C9orf57: variants seen among roughly 807,000 people sequenced by gnomAD.
C9orf57 encodes the protein chromosome 9 open reading frame 57.
A neutral mutation model predicts 12.9 loss-of-function variants in C9orf57; 12 were observed. The observed-to-expected ratio is 0.93, with a 90% CI of 0.60 to 1.51. The LOEUF (loss-of-function observed/expected upper bound fraction) is 1.51, where lower values mean the gene tolerates loss of function less well. Ranked by LOEUF, C9orf57 falls within the 40% of genes most tolerant of loss-of-function variation. The pLI is 0.00. For synonymous variants in C9orf57, 49 were observed against 57.1 expected (o/e 0.86, Z 0.64); for missense variants, 141 against 162.8 (o/e 0.87, Z 0.73).
chr9:72,060,356 A>T, intron 1 of C9orf57, 141 bp downstream of exon 1: 1 of 609,780 alleles, frequency 1.6e-6, no homozygotes, highest in South Asian at 2.0e-5. Flanking sequence ...ATGAATTATT[A>T]ATAATACTTT....
At chr9:72,053,438 A>ATT (rs1360314455) in intron 4 of C9orf57, among the ~76,000 whole-genome samples, 1 of 152,190 alleles carries the variant, frequency 6.6e-6, no homozygotes, top group Admixed American at 6.5e-5. Context: ...TATTGTTAAT[A>ATT]TTTTGTTGAA....
In C9orf57 at chr9:72,052,306, C is replaced by T; in HGVS notation, c.410G>A (p.Cys137Tyr). 1 of 1,551,586 alleles carries T rather than the reference C, an allele frequency of 6.4e-7. No homozygotes were observed. The highest frequency in any genetic ancestry group is 8.7e-7 in the Non-Finnish European group (1 of 1,146,936). The change falls in exon 5 of 5, where the codon TGC (cysteine) becomes TAC (tyrosine). Residue 137 changes from cysteine (C) to tyrosine (Y), a missense_variant. By Grantham distance (194) the Cys-to-Tyr change is radical. Transcript: ENST00000651200. Reference protein sequence around the residue: ...VTTHCCNHSLCNF With the variant: ...VTTHCCNHSLYNF ...ATATGGGCCACTGACTCAGAAATTG[C>T]ACAAAGAATGATTGCAGCAGTGAGT...
At chr9:72,058,394 C>T (rs1208931099) in intron 2 of C9orf57, among the ~76,000 whole-genome samples, 1 of 152,120 alleles carries the variant, frequency 6.6e-6, no homozygotes, top group East Asian at 1.9e-4. Flanking sequence ...CTCCTGAGCT[C>T]AGGCAATCTA....
chr9:72,052,518 C>T, intron 4 of C9orf57, 83 bp from the exon 5 acceptor site: 1 of 1,296,808 alleles, frequency 7.7e-7, no homozygotes. Flanking sequence ...AAAAAGAATA[C>T]TAAGCAAAAC....
rs1824112130 is a variant in C9orf57 at position 72,053,001 on chromosome 9, G to A, written c.281-566C>T. Among the ~76,000 whole-genome samples the A allele has an allele frequency of 3.9e-5, 6 of 152,188 alleles. 1 individual carries two copies. ...CCCCAGTTTCAGTTGTAGGTAGGAG[G>A]ACAAAAGGAGCTATTCCCCAAAGAC... On this transcript the variant is annotated intron_variant, in intron 4 of 4. Coordinates refer to ENST00000651200, the MANE Select transcript of C9orf57 (RefSeq NM_001128618.2).
In C9orf57 at chr9:72,059,378, C is replaced by T; in HGVS notation, c.-47G>A. 6.4e-7 allele frequency: 1 copy of T among 1,551,758 alleles called. No homozygotes were observed. Among genetic ancestry groups the T allele is most frequent in the Non-Finnish European group, 8.7e-7 (1 of 1,146,998 alleles). ...GAGATGAAAGGAAAGACACGTCCCA[C>T]TGATTTCTGGGGAAGCAATAAAGTT... On this transcript the variant is annotated 5_prime_UTR_variant, in exon 2 of 5. The change creates a new upstream start codon in the 5' untranslated region. Transcript: ENST00000651200.
At chr9:72,056,912 C>T in intron 2 of C9orf57, 69 bp from the exon 3 acceptor site, 35 of 999,504 alleles carry the variant, frequency 3.5e-5, no homozygotes, top group South Asian at 1.0e-4. Context: ...TATATGTATA[C>T]TTTTTTTTTT....
At chr9:72,053,566 A>G (rs1406126022) in intron 4 of C9orf57, among the ~76,000 whole-genome samples, 1 of 152,170 alleles carries the variant, frequency 6.6e-6, no homozygotes, top group Non-Finnish European at 1.5e-5. Flanking sequence ...TCATGGGCCC[A>G]GGGAGTCTGG....
intron 4 of C9orf57, among the ~76,000 whole-genome samples, chr9:72,055,163 T>C (rs1012119676): frequency 5.7e-4 from 87 of 151,794 alleles, no homozygotes; most frequent in African/African-American, 2.1e-3. Flanking sequence ...TCTTGAACTC[T>C]TGAGTTCAAG....
chr9:72,056,905 A>T, intron 2 of C9orf57, 62 bp from the exon 3 acceptor site: 5 of 1,306,650 alleles, frequency 3.8e-6, no homozygotes, highest in Non-Finnish European at 5.3e-6. Flanking sequence ...ATACATATAT[A>T]TGTATACTTT....
intron 2 of C9orf57, 69 bp from the exon 3 acceptor site, chr9:72,056,912 CT>C (rs36059196): frequency 0.069 from 67,288 of 973,412 alleles, 1 homozygote; most frequent in East Asian, 0.17. Flanking sequence ...TATATGTATA[CT>C]TTTTTTTTTT....
In C9orf57 at chr9:72,059,322, T is replaced by C. The variant is rs1260923677; in HGVS notation, c.10A>G (p.Ile4Val). Residue 4 changes from isoleucine (I) to valine (V), a missense_variant, in exon 2 of 5, where the codon ATT (isoleucine) becomes GTT (valine). Transcript: ENST00000651200. MRR[I>V]VFAGVILFRL... Reference sequence around the variant, plus strand: ...AATAAGATAACACCAGCAAAAACAATCCTTCTCATTCTGATTTCCAAGCCG... The same window carrying C: ...AATAAGATAACACCAGCAAAAACAACCCTTCTCATTCTGATTTCCAAGCCG... 1.3e-6 allele frequency: 2 copies of C among 1,551,640 alleles called. No individual in the cohort carries two copies. Among genetic ancestry groups the C allele is most frequent in the Admixed American group, 3.9e-5 (2 of 50,968 alleles).
rs1824094873 is a variant in C9orf57 at position 72,052,188 on chromosome 9, C to G, written c.*108G>C. ...CAAAATTCCTTCTACCTACAAGGGT[C>G]TGAGGTTTCTGAAGTGGGCTAATTG... On this transcript the variant is annotated 3_prime_UTR_variant, in exon 5 of 5. Coordinates refer to ENST00000651200, the MANE Select transcript of C9orf57 (RefSeq NM_001128618.2). The G allele has an allele frequency of 1.6e-6, 2 of 1,267,880 alleles. No homozygotes were observed. The highest frequency in any genetic ancestry group is 3.0e-5 in the African/African-American group (2 of 66,942). 78.5% of individuals were successfully genotyped at this position (1,267,880 alleles called of 1,614,324 possible).
At chr9:72,060,125 C>A (rs541874761) in intron 1 of C9orf57, among the ~76,000 whole-genome samples, 1 of 152,180 alleles carries the variant, frequency 6.6e-6, no homozygotes, top group Non-Finnish European at 1.5e-5. Context: ...CAGCTCACTG[C>A]AACTTCGGCC....
At chr9:72,052,483 A>G in intron 4 of C9orf57, 48 bp from the exon 5 acceptor site, 1 of 1,530,808 alleles carries the variant, frequency 6.5e-7, no homozygotes, top group Middle Eastern at 1.7e-4. Context: ...GGTACAACCT[A>G]TGTGGCCTCA....
chr9:72,052,376 T>C lies in C9orf57; in HGVS notation c.340A>G (p.Ser114Gly). 1 of 1,552,164 alleles carries C rather than the reference T, an allele frequency of 6.4e-7. No homozygotes were observed. Among genetic ancestry groups the C allele is most frequent in the Non-Finnish European group, 8.7e-7 (1 of 1,147,050 alleles). The part of the protein sequence containing the change: ...CTKNTSECFK[S>G]TLVKRILQLH... ...TGCAGAATTCTCTTGACGAGAGTAC[T>C]CTTGAAGCACTCTGATGTGTTCTTT... The change falls in exon 5 of 5, where the codon AGT (serine) becomes GGT (glycine). Residue 114 changes from serine (S) to glycine (G), a missense_variant. Coordinates refer to ENST00000651200, the MANE Select transcript of C9orf57 (RefSeq NM_001128618.2).
Position 72,060,494 on chromosome 9 carries a change from T to C in C9orf57, c.-54+3A>G. 1 of 1,379,840 alleles carries C rather than the reference T, an allele frequency of 7.2e-7. No individual in the cohort carries two copies. 85.5% of individuals were successfully genotyped at this position (1,379,840 alleles called of 1,614,324 possible). A position where few individuals can be genotyped will look rare whatever the true frequency, so the allele number is the denominator to read the frequency against. On this transcript the variant is annotated splice_donor_region_variant and intron_variant, in intron 1 of 4. Coordinates refer to ENST00000651200, the MANE Select transcript of C9orf57 (RefSeq NM_001128618.2). ...TATAATATTTCAGTTGTTCATGACC[T>C]ACCTATCTTTTTCATTAAGGTACTA...
chr9:72,056,614 C>T (rs542171549), intron 3 of C9orf57, among the ~76,000 whole-genome samples, 170 bp downstream of exon 3: 1 of 152,174 alleles, frequency 6.6e-6, no homozygotes, highest in East Asian at 1.9e-4. Flanking sequence ...GCTATCTCAT[C>T]TTTAAAATGG....
At chr9:72,053,504 C>T (rs1001320815) in intron 4 of C9orf57, among the ~76,000 whole-genome samples, 7 of 152,054 alleles carry the variant, frequency 4.6e-5, no homozygotes, top group African/African-American at 7.3e-5. Flanking sequence ...TTCTGGAGTC[C>T]GTCTGGCTAG....
Sources: gnomAD v4.1 joint callset for allele counts (sites outside exome capture counted in the v4.1 genomes callset) on GRCh38, gnomAD v4.1.1 for gene constraint, MANE v1.5 for transcripts, NCBI Gene and HGNC (gene_info 2026-07-23, HGNC 2026-07-21) for gene names.